ZFHX3: variants seen among roughly 807,000 people sequenced by gnomAD.
The protein encoded by ZFHX3 is zinc finger homeobox protein 3.
A neutral mutation model predicts 279.1 loss-of-function variants in ZFHX3; 42 were observed. The ratio of observed to expected loss-of-function variants is 0.15; its 90% CI spans 0.12 to 0.19. The LOEUF (loss-of-function observed/expected upper bound fraction) is 0.19, where lower values mean the gene tolerates loss of function less well. Among genes scored for constraint, ZFHX3 ranks in the 10% least tolerant of loss-of-function variants. The pLI, the probability that ZFHX3 is intolerant of heterozygous loss-of-function variation, is 1.00. For missense variants in ZFHX3, 4,981 were observed against 4,754.0 expected (o/e 1.05, Z -1.40); for synonymous variants, 2,293 against 1,957.8 (o/e 1.17, Z -4.52).
chr16:72,798,506 C>T lies in ZFHX3; in HGVS notation c.4176G>A (p.Pro1392=), dbSNP rs200609704. 106 of 1,614,020 alleles carry T rather than the reference C, an allele frequency of 6.6e-5. 4 individuals carry two copies. The Middle Eastern group carries it at 7.7e-3, about 118-fold the overall frequency. The part of the protein sequence containing the change: ...NEVHAKRPQL[P]VSDRHVYKYR... The stretch of plus-strand genomic sequence containing the variant: ...ACTTGTACACATGGCGATCTGACAC[C>T]GGCAGCTGAGGCCTCTTGGCATGCA... Residue 1392 remains proline, a synonymous_variant, in exon 9 of 10, where the codon CCG becomes CCA. Transcript: ENST00000268489.
intron 1 of ZFHX3, among the ~76,000 whole-genome samples, chr16:73,817,640 G>A (rs1410400204): frequency 2.0e-5 from 3 of 152,142 alleles, no homozygotes; most frequent in African/African-American, 7.2e-5. Flanking sequence ...CAAACAAACA[G>A]GCCTGGTGCC....
At chr16:73,816,859 G>A (rs1960588193) in intron 1 of ZFHX3, among the ~76,000 whole-genome samples, 1 of 152,156 alleles carries the variant, frequency 6.6e-6, no homozygotes, top group Admixed American at 6.5e-5. Flanking sequence ...ACTTGACTGT[G>A]GACAGTCGGC....
intron 2 of ZFHX3, among the ~76,000 whole-genome samples, chr16:73,587,612 T>C (rs1395933103): frequency 6.6e-6 from 1 of 152,236 alleles, no homozygotes; most frequent in Non-Finnish European, 1.5e-5. Flanking sequence ...CTACGACATG[T>C]GTCTAACATT....
At chr16:72,928,716 G>A (rs961954917) in intron 3 of ZFHX3, among the ~76,000 whole-genome samples, 1 of 152,206 alleles carries the variant, frequency 6.6e-6, no homozygotes, top group Non-Finnish European at 1.5e-5. Context: ...AGTGGCTCAG[G>A]CCTGTAATCC....
At chr16:73,655,993 G>T (rs909813020) in intron 2 of ZFHX3, among the ~76,000 whole-genome samples, 3 of 152,180 alleles carry the variant, frequency 2.0e-5, no homozygotes, top group Admixed American at 6.5e-5. Flanking sequence ...AATAAAATAT[G>T]TAAATAAATG....
chr16:73,296,251 T>C (rs1341407718), intron 4 of ZFHX3, among the ~76,000 whole-genome samples: 1 of 152,146 alleles, frequency 6.6e-6, no homozygotes, highest in African/African-American at 2.4e-5. Context: ...ACTCTCTCAT[T>C]TAAAAACATC....
At chr16:73,868,083 G>A (rs1962074422) in intron 1 of ZFHX3, among the ~76,000 whole-genome samples, 2 of 152,242 alleles carry the variant, frequency 1.3e-5, no homozygotes, top group East Asian at 1.9e-4. Flanking sequence ...GATGCTTTTT[G>A]TTCTTCTTTT....
At chr16:73,235,181 T>C (rs953405357) in intron 5 of ZFHX3, among the ~76,000 whole-genome samples, 1 of 152,092 alleles carries the variant, frequency 6.6e-6, no homozygotes, top group African/African-American at 2.4e-5. Context: ...GCAATTCTCC[T>C]GCCTCAGCCT....
At chr16:73,089,761 T>C (rs1966050014) in intron 8 of ZFHX3, among the ~76,000 whole-genome samples, 2 of 152,254 alleles carry the variant, frequency 1.3e-5, no homozygotes, top group South Asian at 2.1e-4. Flanking sequence ...CAGGCTTTAC[T>C]AATGATCGTC....
intron 1 of ZFHX3, among the ~76,000 whole-genome samples, chr16:73,833,659 T>C (rs539745098): frequency 7.6e-4 from 116 of 151,846 alleles, no homozygotes; most frequent in African/African-American, 2.4e-3. Context: ...ATGTAGATGA[T>C]GGGTTGATGG....
At chr16:73,134,128 G>C (rs1032856602) in intron 6 of ZFHX3, among the ~76,000 whole-genome samples, 23 of 152,116 alleles carry the variant, frequency 1.5e-4, no homozygotes, top group Admixed American at 1.4e-3. Flanking sequence ...AAAGGGTTGA[G>C]TAATGTATCC....
chr16:73,307,130 T>C (rs889403), intron 4 of ZFHX3, among the ~76,000 whole-genome samples: 62,464 of 152,158 alleles, frequency 0.41, 13,816 homozygotes, highest in Middle Eastern at 0.52. Flanking sequence ...CAGAAGCTTT[T>C]CATACATCCC....
At chr16:73,678,408 A>C (rs754382769) in intron 2 of ZFHX3, among the ~76,000 whole-genome samples, 46 of 152,346 alleles carry the variant, frequency 3.0e-4, no homozygotes, top group Non-Finnish European at 5.7e-4. Context: ...ACAAAATGTA[A>C]ACAATGGCTA....
At chr16:73,347,070 T>A (rs1439586878) in intron 3 of ZFHX3, among the ~76,000 whole-genome samples, 1 of 152,146 alleles carries the variant, frequency 6.6e-6, no homozygotes, top group African/African-American at 2.4e-5. Context: ...TGAACCCAGA[T>A]TCAAATCTAG....
intron 2 of ZFHX3, among the ~76,000 whole-genome samples, chr16:73,509,782 A>AC (rs372841938): frequency 1.1e-4 from 15 of 132,000 alleles, no homozygotes; most frequent in African/African-American, 4.6e-4. Flanking sequence ...TGCAACCTCC[A>AC]CCCCCGGGGT....
At chr16:73,459,867 A>G (rs1183667926) in intron 2 of ZFHX3, among the ~76,000 whole-genome samples, 2 of 152,218 alleles carry the variant, frequency 1.3e-5, no homozygotes, top group Non-Finnish European at 2.9e-5. Flanking sequence ...CAAGAACAGC[A>G]TGGGGGAAAC....
At chr16:73,307,216 A>G (rs1037432300) in intron 4 of ZFHX3, among the ~76,000 whole-genome samples, 1 of 152,232 alleles carries the variant, frequency 6.6e-6, no homozygotes, top group Non-Finnish European at 1.5e-5. Context: ...CATCGTACAC[A>G]TGATCACTCA....
chr16:73,213,038 G>A (rs769116363), intron 5 of ZFHX3, among the ~76,000 whole-genome samples: 2 of 152,168 alleles, frequency 1.3e-5, no homozygotes, highest in African/African-American at 2.4e-5. Flanking sequence ...TCCGAGCTGG[G>A]ATGGTTTCTG....
At chr16:73,272,039 T>A (rs1597255005) in intron 4 of ZFHX3, among the ~76,000 whole-genome samples, 1 of 152,222 alleles carries the variant, frequency 6.6e-6, no homozygotes, top group Non-Finnish European at 1.5e-5. Flanking sequence ...GGAGGCTGTA[T>A]AACCATCTAA....
Sources: allele counts gnomAD v4.1 joint callset (sites outside exome capture counted in the v4.1 genomes callset), GRCh38; gene constraint gnomAD v4.1.1; transcripts MANE v1.5; gene names NCBI Gene and HGNC (gene_info 2026-07-23, HGNC 2026-07-21).